ADAMTSL1: variants seen among roughly 807,000 people sequenced by gnomAD.
ADAMTSL1 encodes ADAMTS-like protein 1.
In ADAMTSL1, 126 loss-of-function variants were observed where a neutral mutation model predicts 201.8. The observed-to-expected ratio is 0.62, with a 90% CI of 0.54 to 0.72. The LOEUF is 0.72. Ranked by LOEUF, ADAMTSL1 falls within the 30% of genes least tolerant of loss-of-function variation. ADAMTSL1 has a pLI of 0.00. For missense variants in ADAMTSL1, 2,679 were observed against 2,277.8 expected (o/e 1.18, Z -3.59); for synonymous variants, 1,121 against 903.4 (o/e 1.24, Z -4.32).
intron 2 of ADAMTSL1, among the ~76,000 whole-genome samples, chr9:18,444,506 A>C (rs1820114804): frequency 6.6e-6 from 1 of 152,192 alleles, no homozygotes; most frequent in South Asian, 2.1e-4. Flanking sequence ...GTAACATTTC[A>C]CTAGACTCTA....
chr9:18,181,436 A>G (rs938329127), intron 2 of ADAMTSL1, among the ~76,000 whole-genome samples: 1 of 152,188 alleles, frequency 6.6e-6, no homozygotes, highest in Non-Finnish European at 1.5e-5. Flanking sequence ...AAACAAATTT[A>G]CAAGAAAAAA....
chr9:18,303,488 C>T (rs1188879957), intron 2 of ADAMTSL1, among the ~76,000 whole-genome samples: 1 of 152,196 alleles, frequency 6.6e-6, no homozygotes, highest in Non-Finnish European at 1.5e-5. Flanking sequence ...GTTCACTCCA[C>T]TCAGCTCAGC....
intron 13 of ADAMTSL1, among the ~76,000 whole-genome samples, chr9:18,691,040 A>T (rs530981435): frequency 2.0e-5 from 3 of 152,320 alleles, no homozygotes; most frequent in Admixed American, 2.0e-4. Flanking sequence ...TAGGATTGTG[A>T]CCAAAGTGTT....
intron 1 of ADAMTSL1, among the ~76,000 whole-genome samples, chr9:18,146,911 AATTC>A (rs1826669318): frequency 6.6e-6 from 1 of 152,122 alleles, no homozygotes; most frequent in African/African-American, 2.4e-5. Flanking sequence ...TTGCAAAGCA[AATTC>A]ATTCTGTCCC....
chr9:18,723,443 T>G (rs1483633908), intron 15 of ADAMTSL1: 1 of 280,088 alleles, frequency 3.6e-6, no homozygotes, highest in African/African-American at 2.2e-5. Context: ...AAACCCTTCT[T>G]TGAGCACCAA....
intron 2 of ADAMTSL1, among the ~76,000 whole-genome samples, chr9:18,459,444 T>C (rs574068184): frequency 6.6e-6 from 1 of 152,270 alleles, no homozygotes; most frequent in Non-Finnish European, 1.5e-5. Context: ...CTTACCTCAC[T>C]AGTTATTTTA....
intron 2 of ADAMTSL1, among the ~76,000 whole-genome samples, chr9:18,205,407 T>C (rs1464252069): frequency 6.6e-6 from 1 of 152,192 alleles, no homozygotes; most frequent in Non-Finnish European, 1.5e-5. Context: ...ACTTATCTTT[T>C]ATGGTTATCA....
Position 18,279,761 on chromosome 9 carries a change from G to A in ADAMTSL1, c.207+115780G>A, listed in dbSNP as rs111764086. Among the ~76,000 whole-genome samples, 1,075 of 152,170 alleles carry A rather than the reference G, an allele frequency of 7.1e-3. 9 individuals carry two copies. The highest frequency in any genetic ancestry group is 0.025 in the African/African-American group (1,022 of 41,528). On this transcript the variant is annotated intron_variant, in intron 2 of 29. Transcript: ENST00000680146. ...AATGTGAATTAAAAATGCAGTATTC[G>A]CAGATTCCATAGTTTCTTGGCAGGC... is the stretch of plus-strand genomic sequence containing the variant.
intron 2 of ADAMTSL1, among the ~76,000 whole-genome samples, chr9:18,292,335 A>G (rs1484295751): frequency 1.3e-5 from 2 of 152,110 alleles, no homozygotes; most frequent in Non-Finnish European, 2.9e-5. Context: ...TGGAATGGGT[A>G]CGATAGCAGT....
intron 1 of ADAMTSL1, among the ~76,000 whole-genome samples, chr9:18,000,551 G>A (rs1444931213): frequency 6.6e-6 from 1 of 151,946 alleles, no homozygotes; most frequent in Non-Finnish European, 1.5e-5. Flanking sequence ...TTCTTTCTGT[G>A]TTAGTCATCT....
intron 2 of ADAMTSL1, among the ~76,000 whole-genome samples, chr9:18,180,956 G>A (rs182947788): frequency 7.9e-5 from 12 of 152,216 alleles, no homozygotes; most frequent in African/African-American, 2.9e-4. Flanking sequence ...CAATGGAACA[G>A]AACAGAGCCC....
chr9:18,401,420 G>A (rs896502120), intron 2 of ADAMTSL1, among the ~76,000 whole-genome samples: 6 of 152,142 alleles, frequency 3.9e-5, no homozygotes, highest in Non-Finnish European at 8.8e-5. Context: ...ATCTCTCACT[G>A]TTTACTTCTT....
intron 13 of ADAMTSL1, among the ~76,000 whole-genome samples, chr9:18,688,689 A>AAAATATATATATATATATAT (rs1554730404): frequency 4.6e-4 from 4 of 8,642 alleles, no homozygotes; most frequent in South Asian, 6.6e-3. Flanking sequence ...AAAAAAAAAA[A>AAAATATATATATATATATAT]ATATATATAT....
chr9:18,235,501 A>G (rs1830812012), intron 2 of ADAMTSL1, among the ~76,000 whole-genome samples: 1 of 152,120 alleles, frequency 6.6e-6, no homozygotes, highest in African/African-American at 2.4e-5. Context: ...TTTCCTTTAT[A>G]TGCTTCTAGA....
At chr9:17,931,427 T>G (rs927450453) in intron 1 of ADAMTSL1, among the ~76,000 whole-genome samples, 2 of 152,194 alleles carry the variant, frequency 1.3e-5, no homozygotes, top group African/African-American at 4.8e-5. Context: ...ATCATCCATC[T>G]AAGTGTAAAA....
chr9:18,389,270 T>G (rs893575619), intron 2 of ADAMTSL1, among the ~76,000 whole-genome samples: 2 of 152,110 alleles, frequency 1.3e-5, no homozygotes, highest in African/African-American at 2.4e-5. Flanking sequence ...ATATATATAT[T>G]GGCCATGTCA....
chr9:18,523,582 G>T (rs1406571138), intron 2 of ADAMTSL1, among the ~76,000 whole-genome samples: 1 of 151,920 alleles, frequency 6.6e-6, no homozygotes, highest in Middle Eastern at 3.4e-3. Flanking sequence ...TAGGTCTAAC[G>T]TTGAAGTCTT....
At chr9:18,540,676 G>C (rs1820075715) in intron 3 of ADAMTSL1, among the ~76,000 whole-genome samples, 1 of 152,162 alleles carries the variant, frequency 6.6e-6, no homozygotes, top group African/African-American at 2.4e-5. Context: ...TGGAAGAGCA[G>C]AAGGCTGAAA....
At chr9:18,670,087 T>C (rs561969844) in intron 9 of ADAMTSL1, among the ~76,000 whole-genome samples, 1 of 152,294 alleles carries the variant, frequency 6.6e-6, no homozygotes, top group Admixed American at 6.5e-5. Flanking sequence ...TGCCCTGAGG[T>C]TGTCTAGAGA....
Sources: allele counts gnomAD v4.1 joint callset (sites outside exome capture counted in the v4.1 genomes callset), GRCh38; gene constraint gnomAD v4.1.1; transcripts MANE v1.5; gene names NCBI Gene and HGNC (gene_info 2026-07-23, HGNC 2026-07-21).